Variants in KIF11 observed in about 807,000 individuals in gnomAD.
The protein encoded by KIF11 is kinesin-like protein KIF11.
Under a neutral mutation model 121.0 loss-of-function variants are expected in KIF11, and 9 were observed. The observed-to-expected ratio is 0.07, with a 90% CI of 0.04 to 0.13. KIF11 has a LOEUF of 0.13. KIF11 is among the 10% of genes least tolerant of loss of function. KIF11 has a pLI of 1.00. For synonymous variants in KIF11, 408 were observed against 421.0 expected (o/e 0.97, Z 0.38); for missense variants, 846 against 1,217.5 (o/e 0.69, Z 4.54).
chr10:92,627,111 A>G (rs1428281174), intron 10 of KIF11, among the ~76,000 whole-genome samples: 1 of 152,224 alleles, frequency 6.6e-6, no homozygotes, highest in Non-Finnish European at 1.5e-5. Context: ...TCAAAAGACT[A>G]TTAGAATTAA....
intron 9 of KIF11, among the ~76,000 whole-genome samples, chr10:92,617,749 T>G (rs1311180066): frequency 6.6e-6 from 1 of 151,880 alleles, no homozygotes; most frequent in East Asian, 1.9e-4. Flanking sequence ...TGTTTTTGTT[T>G]TTTTTTTTGA....
At chr10:92,638,399 T>C (rs1006464224) in intron 16 of KIF11, among the ~76,000 whole-genome samples, 1 of 152,214 alleles carries the variant, frequency 6.6e-6, no homozygotes, top group African/African-American at 2.4e-5. Flanking sequence ...GTGGCTCTTT[T>C]GTGTGTTTTT....
chr10:92,645,319 G>A, intron 17 of KIF11, 44 bp from the exon 18 acceptor site: 7 of 1,432,804 alleles, frequency 4.9e-6, no homozygotes, highest in Non-Finnish European at 5.8e-6. Flanking sequence ...TATCCTTTGA[G>A]TCTTAATTCC....
At chr10:92,642,044 A>T (rs1315604558) in intron 17 of KIF11, among the ~76,000 whole-genome samples, 2 of 151,618 alleles carry the variant, frequency 1.3e-5, no homozygotes, top group Admixed American at 6.6e-5. Context: ...TTTCTTTTCC[A>T]GGAGTATTTT....
chr10:92,597,534 G>A (rs897572493), intron 1 of KIF11, among the ~76,000 whole-genome samples: 2 of 151,950 alleles, frequency 1.3e-5, no homozygotes, highest in African/African-American at 2.4e-5. Context: ...CAAAGTGCTG[G>A]GATTATGAGT....
At chr10:92,632,439 C>A in intron 12 of KIF11, 47 bp from the exon 13 acceptor site, 1 of 1,192,934 alleles carries the variant, frequency 8.4e-7, no homozygotes, top group Non-Finnish European at 1.2e-6. Flanking sequence ...TCATCAGATT[C>A]CTTTCACCGT....
At position 92,654,958 on chromosome 10, in the gene KIF11, T is replaced by C. The variant is rs1243922870; in HGVS notation, c.*1162T>C. The C allele has an allele frequency of 6.5e-6, 1 of 152,704 alleles. No homozygotes were observed. Among genetic ancestry groups the C allele is most frequent in the African/African-American group, 2.4e-5 (1 of 41,474 alleles). 9.5% of individuals were successfully genotyped at this position (152,704 alleles called of 1,614,324 possible). ...AATTATGTCTATAATTTATATTCTT[T>C]TGTTTACATGATGAAACTTTTTGTT... On this transcript the variant is annotated 3_prime_UTR_variant, in exon 22 of 22. Transcript: ENST00000260731.
chr10:92,628,469 C>G (rs536516851), intron 10 of KIF11, among the ~76,000 whole-genome samples: 1 of 152,304 alleles, frequency 6.6e-6, no homozygotes, highest in South Asian at 2.1e-4. Context: ...ATTCCCTCCT[C>G]TCTCTACTTT....
At position 92,655,096 on chromosome 10, in the gene KIF11, A is replaced by ATC. The variant is rs1443317163; in HGVS notation, c.*1301_*1302insCT. ...GGCAACCATATTTCTGGAAGTTGAG[A>ATC]TGTTTCAGCTTGAAGAACCAAAACA... On this transcript the variant is annotated 3_prime_UTR_variant, in exon 22 of 22. Coordinates refer to ENST00000260731, the MANE Select transcript of KIF11 (RefSeq NM_004523.4). 1 of 152,656 alleles carries ATC rather than the reference A, an allele frequency of 6.6e-6. No individual in the cohort carries two copies. Among genetic ancestry groups the ATC allele is most frequent in the Non-Finnish European group, 1.5e-5 (1 of 68,054 alleles). The allele number at this position is 152,656 out of a possible 1,614,324, so 9.5% of individuals were successfully genotyped here.
rs1844723669 is a variant in KIF11, at chr10:92,630,334, T to C, written c.1464T>C (p.Thr488=). 16 of 1,590,654 alleles carry C rather than the reference T, an allele frequency of 1.0e-5. No individual in the cohort carries two copies. Among genetic ancestry groups the C allele is most frequent in the Middle Eastern group, 1.7e-4 (1 of 5,980 alleles). ...EEYITSALES[T]EEKLHDAASK... ...ATATCACATCAGCTTTGGAAAGTACTGAGGAGAAACTTCATGATGCTGCCA... is the reference window on the plus strand; with the variant it reads ...ATATCACATCAGCTTTGGAAAGTACCGAGGAGAAACTTCATGATGCTGCCA... The change falls in exon 12 of 22, where the codon ACT becomes ACC. Residue 488 remains threonine (T), a synonymous_variant. Transcript: ENST00000260731.
chr10:92,607,393 G>A (rs1564704514), intron 4 of KIF11, among the ~76,000 whole-genome samples, 156 bp downstream of exon 4: 1 of 152,118 alleles, frequency 6.6e-6, no homozygotes, highest in Non-Finnish European at 1.5e-5. Context: ...TAAAGTGCAT[G>A]GTATGACTCC....
At chr10:92,634,222 A>T (rs1418273610) in intron 14 of KIF11, among the ~76,000 whole-genome samples, 1 of 151,838 alleles carries the variant, frequency 6.6e-6, no homozygotes, top group Non-Finnish European at 1.5e-5. Flanking sequence ...TGACCTTGTG[A>T]TCCACCCGCC....
chr10:92,630,625 T>C (rs1353711935), intron 12 of KIF11, among the ~76,000 whole-genome samples: 1 of 152,206 alleles, frequency 6.6e-6, no homozygotes, highest in Non-Finnish European at 1.5e-5. Context: ...CCCAGCATTT[T>C]GGGAGGCCAA....
At chr10:92,612,310 A>AT (rs1204439194) in intron 6 of KIF11, among the ~76,000 whole-genome samples, 2 of 151,722 alleles carry the variant, frequency 1.3e-5, no homozygotes, top group East Asian at 3.9e-4. Context: ...TAATTTTTAA[A>AT]TTTTTTTGTA....
In KIF11 at chr10:92,601,963, A is replaced by G. The variant is rs550340830; in HGVS notation, c.78-4302A>G. 4.3e-4 allele frequency among the ~76,000 whole-genome samples: 66 copies of G among 152,222 alleles called. 1 individual carries two copies. Among genetic ancestry groups the G allele is most frequent in the African/African-American group, 1.5e-3 (63 of 41,540 alleles). On this transcript the variant is annotated intron_variant, in intron 1 of 21. Transcript: ENST00000260731. The stretch of plus-strand genomic sequence containing the variant: ...TCACTCTATTCCTAGTTTGTTGAGC[A>G]TTTTTATGACTAATGGGTTTTGAAT...
At chr10:92,625,721 T>C (rs966714248) in intron 10 of KIF11, among the ~76,000 whole-genome samples, 22 of 152,150 alleles carry the variant, frequency 1.4e-4, no homozygotes, top group Admixed American at 1.3e-3. Flanking sequence ...ATCAACAATT[T>C]AAGCAGAGTT....
chr10:92,614,297 T>G (rs1844530437), intron 8 of KIF11, among the ~76,000 whole-genome samples: 1 of 152,026 alleles, frequency 6.6e-6, no homozygotes, highest in African/African-American at 2.4e-5. Context: ...TGGTTTCACC[T>G]TGTTGGCCAG....
At chr10:92,614,030 AC>A (rs1844526053) in intron 8 of KIF11, among the ~76,000 whole-genome samples, 1 of 57,424 alleles carries the variant, frequency 1.7e-5, no homozygotes, top group African/African-American at 4.4e-5. Context: ...ATACACACAC[AC>A]ACACACACAC....
intron 1 of KIF11, among the ~76,000 whole-genome samples, chr10:92,595,240 A>G (rs183268882): frequency 9.1e-4 from 138 of 152,242 alleles, no homozygotes; most frequent in African/African-American, 3.2e-3. Context: ...TTGTATTTTT[A>G]GTAGAGATGG....
Sources: allele counts gnomAD v4.1 joint callset (sites outside exome capture counted in the v4.1 genomes callset), GRCh38; gene constraint gnomAD v4.1.1; transcripts MANE v1.5; gene names NCBI Gene and HGNC (gene_info 2026-07-23, HGNC 2026-07-21).